Variants in RORA observed in about 807,000 individuals in gnomAD.
The protein encoded by RORA is RAR related orphan receptor A, also known as nuclear receptor ROR-alpha.
Under a neutral mutation model 69.5 loss-of-function variants are expected in RORA, and 7 were observed. The observed-to-expected ratio is 0.10, with a 90% CI of 0.06 to 0.19. The LOEUF (loss-of-function observed/expected upper bound fraction) is 0.19, where lower values mean the gene tolerates loss of function less well. RORA is among the 10% of genes least tolerant of loss of function. The pLI, the probability that RORA is intolerant of heterozygous loss-of-function variation, is 1.00. For synonymous variants in RORA, 261 were observed against 240.8 expected (o/e 1.08, Z -0.78); for missense variants, 457 against 663.0 (o/e 0.69, Z 3.41).
intron 2 of RORA, among the ~76,000 whole-genome samples, chr15:60,572,568 C>T (rs1384240808): frequency 2.0e-5 from 3 of 152,190 alleles, no homozygotes; most frequent in African/African-American, 7.2e-5. Flanking sequence ...CAAATCTATA[C>T]ATAATATAGA....
intron 2 of RORA, among the ~76,000 whole-genome samples, chr15:60,636,101 T>C (rs1263232435): frequency 6.6e-6 from 1 of 152,208 alleles, no homozygotes; most frequent in Non-Finnish European, 1.5e-5. Flanking sequence ...GGAAGAATGT[T>C]CTGTGTGTAT....
At chr15:60,809,231 C>T (rs2072707731) in intron 1 of RORA, among the ~76,000 whole-genome samples, 1 of 152,188 alleles carries the variant, frequency 6.6e-6, no homozygotes, top group Non-Finnish European at 1.5e-5. Context: ...AAATATTCCA[C>T]ACATCCTAAA....
intron 1 of RORA, among the ~76,000 whole-genome samples, chr15:61,051,114 TC>T (rs1897271618): frequency 6.6e-6 from 1 of 152,104 alleles, no homozygotes. Context: ...AGGGAGGGTA[TC>T]GTGGGCTGGA....
intron 1 of RORA, among the ~76,000 whole-genome samples, chr15:61,060,791 G>T (rs999585796): frequency 2.0e-5 from 3 of 152,100 alleles, no homozygotes; most frequent in Admixed American, 2.0e-4. Flanking sequence ...ACTGGAAGAA[G>T]AATTGTCTTG....
chr15:60,829,077 C>T (rs1224433381), intron 1 of RORA, among the ~76,000 whole-genome samples: 2 of 152,170 alleles, frequency 1.3e-5, no homozygotes, highest in African/African-American at 4.8e-5. Flanking sequence ...GAGAACCAGT[C>T]AGACAGAGCA....
chr15:60,998,725 T>C (rs1894649294), intron 1 of RORA, among the ~76,000 whole-genome samples: 1 of 152,076 alleles, frequency 6.6e-6, no homozygotes, highest in African/African-American at 2.4e-5. Flanking sequence ...GACAGCCTCT[T>C]CACAAGGCTG....
chr15:61,020,992 G>A (rs927207269), intron 1 of RORA, among the ~76,000 whole-genome samples: 2 of 152,170 alleles, frequency 1.3e-5, no homozygotes, highest in Non-Finnish European at 2.9e-5. Context: ...GTGAATTCTG[G>A]GGGCAGATGG....
chr15:61,228,750 C>T (rs1033580681), intron 1 of RORA, among the ~76,000 whole-genome samples: 6 of 152,056 alleles, frequency 3.9e-5, no homozygotes, highest in African/African-American at 1.4e-4. Flanking sequence ...ATTGAGGCAA[C>T]GCAGCTTTCC....
At chr15:60,780,934 G>C (rs1484386866) in intron 1 of RORA, among the ~76,000 whole-genome samples, 1 of 152,176 alleles carries the variant, frequency 6.6e-6, no homozygotes, top group Non-Finnish European at 1.5e-5. Context: ...TCTTCCAAGT[G>C]CTTTTTGTTC....
intron 1 of RORA, among the ~76,000 whole-genome samples, chr15:60,893,997 G>A (rs564116198): frequency 4.6e-5 from 7 of 152,160 alleles, no homozygotes; most frequent in Admixed American, 3.3e-4. Context: ...CACCTCGGCC[G>A]AGCAGCCATT....
intron 1 of RORA, among the ~76,000 whole-genome samples, chr15:60,871,726 C>T (rs2073558203): frequency 6.6e-6 from 1 of 152,184 alleles, no homozygotes; most frequent in Non-Finnish European, 1.5e-5. Context: ...AGTCAGCTTC[C>T]ATATACCACA....
intron 3 of RORA, among the ~76,000 whole-genome samples, 177 bp from the exon 4 acceptor site, chr15:60,514,934 T>C (rs539972727): frequency 2.6e-5 from 4 of 152,268 alleles, no homozygotes; most frequent in East Asian, 3.9e-4. Flanking sequence ...TTGAGTAAAA[T>C]TGATCCCCAG....
chr15:61,069,527 G>T (rs2078310447), intron 1 of RORA, among the ~76,000 whole-genome samples: 1 of 152,152 alleles, frequency 6.6e-6, no homozygotes. Context: ...GAAACAGCTG[G>T]AATTGTTCAG....
chr15:60,685,279 C>T (rs1220343661), intron 1 of RORA, among the ~76,000 whole-genome samples: 2 of 152,230 alleles, frequency 1.3e-5, no homozygotes, highest in African/African-American at 2.4e-5. Flanking sequence ...GCTGTGGTCT[C>T]CTGGATCCGC....
chr15:61,066,253 C>T (rs1186642324), intron 1 of RORA, among the ~76,000 whole-genome samples: 1 of 152,048 alleles, frequency 6.6e-6, no homozygotes, highest in African/African-American at 2.4e-5. Flanking sequence ...GAACATGACT[C>T]TGCTATGTGT....
At chr15:60,858,879 C>T (rs114526958) in intron 1 of RORA, among the ~76,000 whole-genome samples, 2 of 152,178 alleles carry the variant, frequency 1.3e-5, no homozygotes, top group East Asian at 1.9e-4. Flanking sequence ...ACATCTCAAA[C>T]GCTCTAATTA....
At chr15:60,512,413 C>T (rs1012648757) in intron 4 of RORA, among the ~76,000 whole-genome samples, 6 of 152,120 alleles carry the variant, frequency 3.9e-5, no homozygotes, top group South Asian at 2.1e-4. Flanking sequence ...TGGCCTCCTA[C>T]GTAGCTGGGA....
chr15:60,814,106 A>G (rs2140370163), intron 1 of RORA, among the ~76,000 whole-genome samples: 1 of 152,344 alleles, frequency 6.6e-6, no homozygotes, highest in Admixed American at 6.5e-5. Flanking sequence ...ACAATGTCAC[A>G]TAATGAAGAC....
intron 1 of RORA, among the ~76,000 whole-genome samples, chr15:60,931,769 C>T (rs147591531): frequency 6.6e-6 from 1 of 152,340 alleles, no homozygotes; most frequent in East Asian, 1.9e-4. Context: ...TCAGCCTTCT[C>T]CCTAAGCTCT....
Sources: allele counts gnomAD v4.1 joint callset (sites outside exome capture counted in the v4.1 genomes callset), GRCh38; gene constraint gnomAD v4.1.1; transcripts MANE v1.5; gene names NCBI Gene and HGNC (gene_info 2026-07-23, HGNC 2026-07-21).